The following CCDC39 variants were observed in gnomAD, a reference collection of about 807,000 sequenced individuals.
The protein encoded by CCDC39 is coiled-coil domain-containing protein 39.
In CCDC39, 113 loss-of-function variants were observed where a neutral mutation model predicts 121.0. The observed-to-expected ratio is 0.93, with a 90% CI of 0.80 to 1.09. The LOEUF is 1.09. Ranked by LOEUF, CCDC39 falls within the 50% of genes least tolerant of loss-of-function variation. The probability of loss-of-function intolerance (pLI) is 0.00; values close to 1 mark genes in which losing one functional copy is unlikely to be tolerated. For missense variants in CCDC39, 1,063 were observed against 1,074.7 expected (o/e 0.99, Z 0.15); for synonymous variants, 349 against 352.2 (o/e 0.99, Z 0.10).
chr3:180,648,701 A>G (rs1321249419), intron 9 of CCDC39, among the ~76,000 whole-genome samples: 1 of 152,210 alleles, frequency 6.6e-6, no homozygotes, highest in Non-Finnish European at 1.5e-5. Flanking sequence ...AGAGTTTCCT[A>G]AAGTCTTGAG....
rs1295869386 is a variant in CCDC39, at chr3:180,679,152, G to A, written c.90+139C>T. On this transcript the variant is annotated intron_variant, in intron 1 of 19. Coordinates refer to ENST00000476379, the MANE Select transcript of CCDC39 (RefSeq NM_181426.2). The surrounding 1 kb of genome is among the most constrained non-coding windows in gnomAD (Gnocchi z 4.0). ...TAGGCAGAGAGGGTAAGGGAGGAGG[G>A]CGATGGTGCGGGGGAGTGTTAGAGG... 4.1e-6 allele frequency: 3 copies of A among 723,970 alleles called. No homozygotes were observed. The highest frequency in any genetic ancestry group is 1.8e-5 in the African/African-American group (1 of 57,128). 44.8% of individuals were successfully genotyped at this position (723,970 alleles called of 1,614,324 possible).
chr3:180,615,028 G>C lies in CCDC39; in HGVS notation c.2719C>G (p.Leu907Val). 6.4e-7 allele frequency: 1 copy of C among 1,557,232 alleles called. No individual in the cohort carries two copies. Among genetic ancestry groups the C allele is most frequent in the Non-Finnish European group, 8.7e-7 (1 of 1,149,702 alleles). ...TSTSQSSIKV[L>V]ELKFPASSSL... The stretch of plus-strand genomic sequence containing the variant: ...GAGGAGGCCGGGAATTTAAGCTCCA[G>C]TACTTTAATTGAAGACTGAGAAGTA... Residue 907 changes from leucine (L) to valine (V), a missense_variant, in exon 20 of 20, where the codon CTG becomes GTG. Coordinates refer to ENST00000476379, the MANE Select transcript of CCDC39 (RefSeq NM_181426.2).
chr3:180,616,197 A>G, intron 19 of CCDC39, 84 bp downstream of exon 19: 2 of 1,142,320 alleles, frequency 1.8e-6, no homozygotes, highest in South Asian at 1.3e-5. Flanking sequence ...CCTGCCTAAC[A>G]GCTGCGGTGA....
At chr3:180,675,615 T>C (rs1261562060) in intron 1 of CCDC39, among the ~76,000 whole-genome samples, 2 of 152,182 alleles carry the variant, frequency 1.3e-5, no homozygotes, top group Non-Finnish European at 2.9e-5. Flanking sequence ...CTTGTGGGCA[T>C]TTAGTGCTAT....
chr3:180,634,411 G>T (rs911936034), intron 13 of CCDC39, among the ~76,000 whole-genome samples: 1 of 152,090 alleles, frequency 6.6e-6, no homozygotes, highest in Non-Finnish European at 1.5e-5. Flanking sequence ...CAGGTAGGGT[G>T]TCCCCAGATT....
Position 180,651,462 on chromosome 3 carries a change from G to C in CCDC39, c.1106C>G (p.Ser369Cys). ...CAAATTAGTAGCTTTCTCTTCTACA[G>C]ACATGGTTTTCTCAGTTATCTCCTT... ...KLKEITEKTM[S>C]VEEKATNLED... is the part of the protein sequence containing the mutation. Residue 369 changes from serine to cysteine, a missense_variant, in exon 9 of 20, where the codon TCT (serine) becomes TGT (cysteine). By Grantham distance (112) the Ser-to-Cys change is moderately radical (BLOSUM62 -1). Coordinates refer to ENST00000476379, the MANE Select transcript of CCDC39 (RefSeq NM_181426.2). 6.4e-7 allele frequency: 1 copy of C among 1,553,042 alleles called. No individual in the cohort carries two copies. The highest frequency in any genetic ancestry group is 1.4e-5 in the African/African-American group (1 of 73,406).
intron 1 of CCDC39, among the ~76,000 whole-genome samples, chr3:180,676,184 A>T: frequency 6.6e-6 from 1 of 152,264 alleles, no homozygotes; most frequent in Admixed American, 6.5e-5. Flanking sequence ...CAGCAAAAGA[A>T]ACTACCATCA....
At chr3:180,628,240 T>C (rs1379825909) in intron 14 of CCDC39, among the ~76,000 whole-genome samples, 1 of 152,194 alleles carries the variant, frequency 6.6e-6, no homozygotes, top group African/African-American at 2.4e-5. Flanking sequence ...AGACGGAGTC[T>C]CACTCTGTCG....
chr3:180,641,908 A>T, intron 13 of CCDC39, 85 bp downstream of exon 13: 1 of 924,808 alleles, frequency 1.1e-6, no homozygotes. Flanking sequence ...AACGATGCAC[A>T]TCCGGGATGT....
At chr3:180,626,845 C>A (rs1411018539) in intron 14 of CCDC39, among the ~76,000 whole-genome samples, 1 of 152,152 alleles carries the variant, frequency 6.6e-6, no homozygotes, top group African/African-American at 2.4e-5. Context: ...CCTCTCCCAC[C>A]TTGGACAGGT....
chr3:180,676,217 ATGGGAGAAAATTT>A (rs1712199287), intron 1 of CCDC39, among the ~76,000 whole-genome samples: 1 of 152,176 alleles, frequency 6.6e-6, no homozygotes, highest in Non-Finnish European at 1.5e-5. Context: ...AAACTACAGA[ATGGGAGAAAATTT>A]TTGCAATCTA....
intron 12 of CCDC39, 76 bp downstream of exon 12, chr3:180,644,044 T>C (rs1718016941): frequency 9.3e-7 from 1 of 1,070,654 alleles, no homozygotes. Flanking sequence ...CATAATTTGC[T>C]ATATTTTTTC....
intron 14 of CCDC39, among the ~76,000 whole-genome samples, chr3:180,620,599 C>T (rs1025214345): frequency 2.6e-5 from 4 of 151,702 alleles, no homozygotes; most frequent in African/African-American, 7.3e-5. Flanking sequence ...TTCCAAAGAA[C>T]GTCCTAAAGG....
chr3:180,677,839 T>C (rs1472067763), intron 1 of CCDC39, among the ~76,000 whole-genome samples: 1 of 152,182 alleles, frequency 6.6e-6, no homozygotes, highest in African/African-American at 2.4e-5. Context: ...AAATACCTTA[T>C]GTTTTTATCT....
intron 9 of CCDC39, 95 bp from the exon 10 acceptor site, chr3:180,648,454 A>C (rs997750260): frequency 2.3e-6 from 2 of 863,678 alleles, no homozygotes; most frequent in Admixed American, 5.6e-5. Flanking sequence ...ATAAATTTGA[A>C]CCCTCCACTA....
chr3:180,663,803 T>C, intron 2 of CCDC39, 64 bp downstream of exon 2: 1 of 1,509,430 alleles, frequency 6.6e-7, no homozygotes, highest in Non-Finnish European at 9.1e-7. Context: ...ATCGCAGATG[T>C]AAATATACTA....
chr3:180,667,510 T>C (rs1027419987), intron 1 of CCDC39, among the ~76,000 whole-genome samples: 2 of 152,190 alleles, frequency 1.3e-5, no homozygotes, highest in African/African-American at 4.8e-5. Flanking sequence ...ATATCTGTTA[T>C]GGTTATCAGT....
intron 14 of CCDC39, among the ~76,000 whole-genome samples, chr3:180,624,280 C>T (rs1293396027): frequency 2.6e-5 from 4 of 152,042 alleles, no homozygotes; most frequent in Non-Finnish European, 4.4e-5. Flanking sequence ...TTTTTCCACC[C>T]CTTTACTTTC....
intron 1 of CCDC39, among the ~76,000 whole-genome samples, chr3:180,664,698 C>CTTTT (rs535953318): frequency 6.6e-5 from 9 of 137,368 alleles, no homozygotes; most frequent in African/African-American, 2.2e-4. Flanking sequence ...CACAAGAGAT[C>CTTTT]TTTTTTTTTT....
Sources: allele counts gnomAD v4.1 joint callset (sites outside exome capture counted in the v4.1 genomes callset), GRCh38; gene constraint gnomAD v4.1.1; non-coding constraint Gnocchi (gnomAD v3.1); transcripts MANE v1.5; gene names NCBI Gene and HGNC (gene_info 2026-07-23, HGNC 2026-07-21).